The following ELP4 variants were observed in gnomAD, a reference collection of about 807,000 sequenced individuals.
ELP4 encodes the protein elongator complex protein 4.
In ELP4, 51 loss-of-function variants were observed where a neutral mutation model predicts 48.9. That is an observed-to-expected ratio of 1.04 (90% CI 0.83 to 1.32). The LOEUF is 1.32. Among genes scored for constraint, ELP4 ranks in the 40% most tolerant of loss-of-function variants. The pLI, the probability that ELP4 is intolerant of heterozygous loss-of-function variation, is 0.00. For missense variants in ELP4, 519 were observed against 514.6 expected (o/e 1.01, Z -0.08); for synonymous variants, 210 against 189.2 (o/e 1.11, Z -0.90).
At chr11:31,538,720 G>A (rs1195579239) in intron 2 of ELP4, among the ~76,000 whole-genome samples, 1 of 151,644 alleles carries the variant, frequency 6.6e-6, no homozygotes, top group Non-Finnish European at 1.5e-5. Context: ...ACCATATTTG[G>A]TTTTATGATA....
At chr11:31,562,696 A>G (rs1017068166) in intron 3 of ELP4, among the ~76,000 whole-genome samples, 2 of 152,136 alleles carry the variant, frequency 1.3e-5, no homozygotes, top group African/African-American at 4.8e-5. Flanking sequence ...TTTCACTAAG[A>G]TATTATCTGA....
At position 31,595,893 on chromosome 11, in the gene ELP4, T is replaced by C. The variant is rs144338350; in HGVS notation, c.513+992T>C. Among the ~76,000 whole-genome samples, 1,015 of 152,216 alleles carry C rather than the reference T, an allele frequency of 6.7e-3. 32 individuals carry two copies. The highest frequency in any genetic ancestry group is 0.061 in the Admixed American group (938 of 15,288). Reference sequence around the variant, plus strand: ...ATAATCTAATCCAAGCCTACCTTTTTAGCCTCTTCCTCCTGTGTATATAAA... The same window carrying C: ...ATAATCTAATCCAAGCCTACCTTTTCAGCCTCTTCCTCCTGTGTATATAAA... On this transcript the variant is annotated intron_variant, in intron 4 of 9. Coordinates refer to ENST00000640961, the MANE Select transcript of ELP4 (RefSeq NM_019040.5).
Position 31,515,001 on chromosome 11 carries a change from ATG to A in ELP4, c.224-5023_224-5022del, listed in dbSNP as rs753678395. On this transcript the variant is annotated intron_variant, in intron 1 of 9. Coordinates refer to ENST00000640961, the MANE Select transcript of ELP4 (RefSeq NM_019040.5). ...ATAGAGAAATTTTGCTGCTGTATGCATGTGTGTGTGTGTGTGTGTGTGTGTGT... is the reference window on the plus strand; with the variant it reads ...ATAGAGAAATTTTGCTGCTGTATGCATGTGTGTGTGTGTGTGTGTGTGTGT... Among the ~76,000 whole-genome samples, 2,289 of 131,840 alleles carry A rather than the reference ATG, an allele frequency of 0.017. 107 individuals are homozygous for A. In the East Asian group the frequency reaches 0.22, roughly 13 times the overall value. 86.5% of individuals were successfully genotyped at this position (131,840 alleles called of 152,430 possible). A position where few individuals can be genotyped will look rare whatever the true frequency, so the allele number is the denominator to read the frequency against.
intron 9 of ELP4, among the ~76,000 whole-genome samples, chr11:31,711,312 A>T (rs1592244659): frequency 6.6e-6 from 1 of 152,314 alleles, no homozygotes; most frequent in East Asian, 1.9e-4. Context: ...TCATTCACAG[A>T]AGAGCCATAG....
At chr11:31,561,198 G>A (rs901155103) in intron 3 of ELP4, among the ~76,000 whole-genome samples, 2 of 152,028 alleles carry the variant, frequency 1.3e-5, no homozygotes, top group Admixed American at 6.5e-5. Flanking sequence ...TTATTTGCAG[G>A]TTATTATCTT....
chr11:31,710,452 C>G (rs1946716479), intron 9 of ELP4, among the ~76,000 whole-genome samples: 1 of 152,062 alleles, frequency 6.6e-6, no homozygotes, highest in African/African-American at 2.4e-5. Flanking sequence ...TGGTGAAACC[C>G]TGTCTCCACT....
intron 9 of ELP4, among the ~76,000 whole-genome samples, chr11:31,771,910 A>G (rs1948151736): frequency 1.3e-5 from 2 of 152,032 alleles, no homozygotes; most frequent in East Asian, 3.9e-4. Flanking sequence ...TGAACCCAGG[A>G]GGCGGAGGTT....
intron 3 of ELP4, among the ~76,000 whole-genome samples, chr11:31,552,924 T>C (rs1592110662): frequency 6.6e-6 from 1 of 152,284 alleles, no homozygotes; most frequent in Non-Finnish European, 1.5e-5. Flanking sequence ...CTAGGCATGC[T>C]CCAAAATTAG....
chr11:31,602,637 G>T (rs930195971), intron 4 of ELP4, among the ~76,000 whole-genome samples: 5 of 151,676 alleles, frequency 3.3e-5, no homozygotes, highest in African/African-American at 1.2e-4. Context: ...ATTTCCTATT[G>T]GTAGGCATTT....
chr11:31,641,834 T>C (rs544035228), intron 7 of ELP4, among the ~76,000 whole-genome samples: 8 of 151,928 alleles, frequency 5.3e-5, no homozygotes, highest in Admixed American at 2.0e-4. Flanking sequence ...TAAACTTTAG[T>C]ATCTTTAACC....
intron 9 of ELP4, among the ~76,000 whole-genome samples, chr11:31,761,046 C>T (rs578250587): frequency 5.7e-4 from 86 of 152,194 alleles, no homozygotes; most frequent in African/African-American, 1.7e-3. Context: ...AGTTAGGTAT[C>T]GGCTTTTTCA....
chr11:31,553,402 C>T (rs571473269), intron 3 of ELP4, among the ~76,000 whole-genome samples: 1 of 152,094 alleles, frequency 6.6e-6, no homozygotes, highest in African/African-American at 2.4e-5. Flanking sequence ...AGCCAGTCAG[C>T]AGAAGACCTC....
intron 2 of ELP4, among the ~76,000 whole-genome samples, chr11:31,534,072 G>A (rs1956457045): frequency 6.6e-6 from 1 of 151,964 alleles, no homozygotes; most frequent in Non-Finnish European, 1.5e-5. Context: ...TCCTGACCTC[G>A]TGATCCGCCC....
At chr11:31,621,777 CTA>C (rs1443725676) in intron 5 of ELP4, among the ~76,000 whole-genome samples, 2 of 151,862 alleles carry the variant, frequency 1.3e-5, no homozygotes, top group Non-Finnish European at 2.9e-5. Flanking sequence ...CTTCATTTGG[CTA>C]TGTTGAATGG....
chr11:31,628,056 C>A (rs976093523), intron 6 of ELP4, among the ~76,000 whole-genome samples: 1 of 151,906 alleles, frequency 6.6e-6, no homozygotes, highest in Non-Finnish European at 1.5e-5. Flanking sequence ...AGTTTAATTG[C>A]AGATTGGAAA....
rs531816216 is a variant in ELP4 at position 31,745,360 on chromosome 11, T to G, written c.1144-38033T>G. Reference sequence around the variant, plus strand: ...AATGCCATCCCCATCAAGCTACCAATGACTTTCTTCACAGAATTGGAAAAA... The same window carrying G: ...AATGCCATCCCCATCAAGCTACCAAGGACTTTCTTCACAGAATTGGAAAAA... On this transcript the variant is annotated intron_variant, in intron 9 of 9. Coordinates refer to ENST00000640961, the MANE Select transcript of ELP4 (RefSeq NM_019040.5). 5.3e-5 allele frequency among the ~76,000 whole-genome samples: 8 copies of G among 152,304 alleles called. No homozygotes were observed. In the South Asian group the frequency reaches 1.7e-3, roughly 32 times the overall value.
At chr11:31,636,411 A>C (rs1944978555) in intron 7 of ELP4, among the ~76,000 whole-genome samples, 1 of 151,934 alleles carries the variant, frequency 6.6e-6, no homozygotes, top group Non-Finnish European at 1.5e-5. Context: ...TTTGTATAAA[A>C]TATCCTTATT....
At chr11:31,684,404 A>C (rs1187617864) in intron 9 of ELP4, among the ~76,000 whole-genome samples, 1 of 152,080 alleles carries the variant, frequency 6.6e-6, no homozygotes, top group Non-Finnish European at 1.5e-5. Context: ...ATGGGGTTTC[A>C]CCATGTTGGC....
intron 9 of ELP4, among the ~76,000 whole-genome samples, chr11:31,716,541 GTTA>G (rs1041764725): frequency 3.3e-5 from 5 of 152,162 alleles, no homozygotes; most frequent in South Asian, 2.1e-4. Flanking sequence ...CCATATAAGT[GTTA>G]TTATTAATAT....
Sources: allele counts gnomAD v4.1 joint callset (sites outside exome capture counted in the v4.1 genomes callset), GRCh38; gene constraint gnomAD v4.1.1; transcripts MANE v1.5; gene names NCBI Gene and HGNC (gene_info 2026-07-23, HGNC 2026-07-21).